PACRG: variants seen among roughly 807,000 people sequenced by gnomAD.
The protein encoded by PACRG is parkin coregulated.
PACRG carries 29 observed loss-of-function variants against 29.7 expected under a neutral mutation model. That is an observed-to-expected ratio of 0.98 (90% CI 0.73 to 1.33). PACRG has a LOEUF of 1.33. Ranked by LOEUF, PACRG falls within the 40% of genes most tolerant of loss-of-function variation. The pLI is 0.00. For synonymous variants in PACRG, 116 were observed against 118.7 expected, an observed-to-expected ratio of 0.98 and a Z score of 0.15; for missense variants, 279 against 316.2, an observed-to-expected ratio of 0.88 and a Z score of 0.89.
chr6:163,013,382 A>G (rs1236061086), intron 2 of PACRG, among the ~76,000 whole-genome samples: 6 of 152,118 alleles, frequency 3.9e-5, no homozygotes, highest in Middle Eastern at 3.2e-3. Context: ...TCACTGTGGC[A>G]TATAAAGAAT....
At chr6:163,192,296 G>A (rs971940344) in intron 4 of PACRG, among the ~76,000 whole-genome samples, 3 of 152,220 alleles carry the variant, frequency 2.0e-5, no homozygotes, top group African/African-American at 4.8e-5. Flanking sequence ...CAGTTCCCTT[G>A]TTGACTGTTT....
chr6:162,810,589 G>T (rs768055556), intron 1 of PACRG, among the ~76,000 whole-genome samples: 1 of 152,050 alleles, frequency 6.6e-6, no homozygotes, highest in African/African-American at 2.4e-5. Flanking sequence ...TCTCAGAAAA[G>T]AAATAGACGA....
At chr6:162,964,680 A>G (rs1584889555) in intron 2 of PACRG, among the ~76,000 whole-genome samples, 2 of 152,344 alleles carry the variant, frequency 1.3e-5, no homozygotes, top group Admixed American at 6.5e-5. Context: ...GAAGGAAGCC[A>G]TGATCAATGC....
At chr6:162,765,010 C>T (rs1782672516) in intron 1 of PACRG, among the ~76,000 whole-genome samples, 2 of 152,102 alleles carry the variant, frequency 1.3e-5, no homozygotes, top group African/African-American at 4.8e-5. Context: ...TCCCAAAGTG[C>T]TGGGATTACA....
chr6:162,882,196 G>A (rs1168076560), intron 2 of PACRG, among the ~76,000 whole-genome samples: 2 of 142,842 alleles, frequency 1.4e-5, no homozygotes, highest in African/African-American at 5.3e-5. Context: ...GGGGTGGGGG[G>A]GCGCACTCTC....
intron 2 of PACRG, among the ~76,000 whole-genome samples, chr6:163,013,221 G>A (rs181815322): frequency 3.3e-5 from 5 of 151,648 alleles, no homozygotes; most frequent in South Asian, 4.2e-4. Context: ...GGATAAGGAC[G>A]GCCACCTTAG....
At chr6:163,013,576 G>T (rs1371445290) in intron 2 of PACRG, among the ~76,000 whole-genome samples, 1 of 152,078 alleles carries the variant, frequency 6.6e-6, no homozygotes. Flanking sequence ...GATCACTGAG[G>T]TCATGCAGTG....
chr6:163,294,516 AGAGAACCGTTG>A (rs1278502281), intron 4 of PACRG, among the ~76,000 whole-genome samples: 9 of 152,216 alleles, frequency 5.9e-5, no homozygotes, highest in Admixed American at 5.2e-4. Context: ...CCCAAGGAAA[AGAGAACCGTTG>A]GACAAAATTT....
chr6:163,070,373 A>G (rs1053857797), intron 3 of PACRG, among the ~76,000 whole-genome samples: 1 of 152,110 alleles, frequency 6.6e-6, no homozygotes, highest in African/African-American at 2.4e-5. Flanking sequence ...CAGTATAATA[A>G]AATACAAATA....
chr6:162,999,492 T>G (rs1804390307), intron 2 of PACRG, among the ~76,000 whole-genome samples: 1 of 152,194 alleles, frequency 6.6e-6, no homozygotes, highest in Non-Finnish European at 1.5e-5. Context: ...CAATACAAGA[T>G]TGGATAGTTG....
chr6:163,269,339 G>T (rs1397202747), intron 4 of PACRG, among the ~76,000 whole-genome samples: 4 of 152,180 alleles, frequency 2.6e-5, no homozygotes, highest in Admixed American at 2.6e-4. Context: ...GGCCAGCTGG[G>T]CTCTGCCTGG....
chr6:162,740,289 T>C (rs1332766830), intron 1 of PACRG, among the ~76,000 whole-genome samples: 1 of 151,980 alleles, frequency 6.6e-6, no homozygotes, highest in African/African-American at 2.4e-5. Context: ...TTATTCAAGG[T>C]GCAATTTGTG....
At chr6:162,735,523 C>A (rs1780096762) in intron 1 of PACRG, among the ~76,000 whole-genome samples, 1 of 152,080 alleles carries the variant, frequency 6.6e-6, no homozygotes. Context: ...TATTTACTGT[C>A]CATTTGGATA....
At chr6:162,836,792 A>G (rs1223148023) in intron 2 of PACRG, among the ~76,000 whole-genome samples, 2 of 152,192 alleles carry the variant, frequency 1.3e-5, no homozygotes, top group East Asian at 3.9e-4. Flanking sequence ...TATCATGAAT[A>G]TTAGGAAGAA....
At chr6:162,846,202 G>T (rs1313911493) in intron 2 of PACRG, among the ~76,000 whole-genome samples, 2 of 152,104 alleles carry the variant, frequency 1.3e-5, no homozygotes, top group African/African-American at 4.8e-5. Context: ...CTCCAGGAGG[G>T]GGCCTGCTTT....
chr6:162,852,921 T>A (rs1001498740), intron 2 of PACRG, among the ~76,000 whole-genome samples: 12 of 152,192 alleles, frequency 7.9e-5, no homozygotes, highest in African/African-American at 2.9e-4. Flanking sequence ...AACTAGAAAC[T>A]GCCTGACTTA....
At chr6:163,087,971 T>C (rs1813753283) in intron 3 of PACRG, among the ~76,000 whole-genome samples, 1 of 152,098 alleles carries the variant, frequency 6.6e-6, no homozygotes, top group South Asian at 2.1e-4. Flanking sequence ...ACATGAGGAA[T>C]GCGAAGGAGG....
At chr6:162,987,141 G>A (rs764654691) in intron 2 of PACRG, among the ~76,000 whole-genome samples, 5 of 152,034 alleles carry the variant, frequency 3.3e-5, no homozygotes, top group Non-Finnish European at 7.4e-5. Context: ...TCTTCTTTGG[G>A]TAGACTACTT....
At chr6:163,181,416 AAG>A (rs1182593294) in intron 4 of PACRG, among the ~76,000 whole-genome samples, 1 of 151,994 alleles carries the variant, frequency 6.6e-6, no homozygotes, top group East Asian at 1.9e-4. Flanking sequence ...CTGGAGATGA[AAG>A]AGCCAATTCT....
Sources: gnomAD v4.1 joint callset for allele counts (sites outside exome capture counted in the v4.1 genomes callset) on GRCh38, gnomAD v4.1.1 for gene constraint, MANE v1.5 for transcripts, NCBI Gene and HGNC (gene_info 2026-07-23, HGNC 2026-07-21) for gene names.